RELCH: variants seen among roughly 807,000 people sequenced by gnomAD.
RELCH encodes RAB11 binding and LisH domain, coiled-coil and HEAT repeat containing, also known as RAB11-binding protein RELCH.
RELCH carries 41 observed loss-of-function variants against 150.3 expected under a neutral mutation model. The observed-to-expected ratio is 0.27, with a 90% CI of 0.21 to 0.35. RELCH has a LOEUF of 0.35. Among genes scored for constraint, RELCH ranks in the 10% least tolerant of loss-of-function variants. The probability of loss-of-function intolerance (pLI) is 1.00; values close to 1 mark genes in which losing one functional copy is unlikely to be tolerated. For missense variants in RELCH, 1,092 were observed against 1,467.8 expected (o/e 0.74, Z 4.18); for synonymous variants, 478 against 531.8 (o/e 0.90, Z 1.39).
intron 18 of RELCH, among the ~76,000 whole-genome samples, chr18:62,265,408 T>A (rs914418570): frequency 6.6e-6 from 1 of 152,052 alleles, no homozygotes; most frequent in Non-Finnish European, 1.5e-5. Context: ...AATATTAACA[T>A]TGGAATGTCA....
intron 5 of RELCH, among the ~76,000 whole-genome samples, chr18:62,226,711 TAAAA>T (rs891965345): frequency 1.3e-5 from 2 of 152,036 alleles, no homozygotes; most frequent in Non-Finnish European, 2.9e-5. Flanking sequence ...AGAGATATAA[TAAAA>T]AAATTGTGTA....
At chr18:62,288,570 G>C (rs1008625714) in intron 26 of RELCH, among the ~76,000 whole-genome samples, 7 of 152,078 alleles carry the variant, frequency 4.6e-5, no homozygotes, top group East Asian at 1.9e-4. Flanking sequence ...TGGATGCATG[G>C]TTCAGAGCAG....
At chr18:62,216,814 A>G (rs1009578889) in intron 2 of RELCH, among the ~76,000 whole-genome samples, 5 of 151,382 alleles carry the variant, frequency 3.3e-5, no homozygotes, top group Admixed American at 2.0e-4. Context: ...CAGCATCCAT[A>G]TCCAGCTTTA....
intron 1 of RELCH, among the ~76,000 whole-genome samples, chr18:62,208,368 A>G (rs1008570612): frequency 1.3e-5 from 2 of 152,166 alleles, no homozygotes; most frequent in Admixed American, 6.5e-5. Flanking sequence ...AAAAAAAAAA[A>G]AAAAATTTAA....
chr18:62,304,783 G>T (rs991735194), intron 28 of RELCH, among the ~76,000 whole-genome samples: 2 of 152,204 alleles, frequency 1.3e-5, no homozygotes, highest in East Asian at 3.8e-4. Context: ...TACAGAGCAG[G>T]TTGGTGAAAA....
At chr18:62,279,969 G>T in intron 23 of RELCH, 113 bp downstream of exon 23, 2 of 672,138 alleles carry the variant, frequency 3.0e-6, no homozygotes, top group Non-Finnish European at 5.1e-6. Context: ...AATAATACTG[G>T]ATTATGCTTA....
intron 1 of RELCH, among the ~76,000 whole-genome samples, chr18:62,202,139 C>T (rs541772576): frequency 5.9e-5 from 9 of 152,260 alleles, no homozygotes; most frequent in African/African-American, 1.9e-4. Context: ...TAAGAAGTTA[C>T]ACAATAGGCA....
chr18:62,244,971 T>C, intron 11 of RELCH, 95 bp downstream of exon 11: 1 of 784,098 alleles, frequency 1.3e-6, no homozygotes, highest in Non-Finnish European at 2.2e-6. Context: ...CTAAAATGCC[T>C]TCTTTCCTTC....
chr18:62,287,527 G>T, intron 26 of RELCH, 60 bp downstream of exon 26: 1 of 876,474 alleles, frequency 1.1e-6, no homozygotes, highest in African/African-American at 1.7e-5. Context: ...AGTGGAACTT[G>T]GTTGGTAAAG....
intron 28 of RELCH, among the ~76,000 whole-genome samples, chr18:62,303,941 C>T (rs985545344): frequency 3.3e-5 from 5 of 151,982 alleles, no homozygotes; most frequent in African/African-American, 9.7e-5. Context: ...GAAGTATTAG[C>T]CATGGAAGTA....
intron 1 of RELCH, among the ~76,000 whole-genome samples, chr18:62,197,934 T>C (rs569581275): frequency 6.6e-6 from 1 of 152,230 alleles, no homozygotes; most frequent in African/African-American, 2.4e-5. Context: ...ACTGGACTTA[T>C]ACCAATGTCT....
intron 27 of RELCH, among the ~76,000 whole-genome samples, chr18:62,297,635 T>G (rs2045474921): frequency 6.6e-6 from 1 of 152,176 alleles, no homozygotes; most frequent in Non-Finnish European, 1.5e-5. Context: ...AAAAGTTTCA[T>G]TCTCTCAGAA....
intron 21 of RELCH, among the ~76,000 whole-genome samples, chr18:62,275,116 C>T (rs1402264155): frequency 6.6e-6 from 1 of 152,116 alleles, no homozygotes; most frequent in Non-Finnish European, 1.5e-5. Context: ...AGGGTTTCAC[C>T]ATGTTGGCCA....
At chr18:62,262,482 T>C (rs374605619) in intron 16 of RELCH, among the ~76,000 whole-genome samples, 1 of 152,218 alleles carries the variant, frequency 6.6e-6, no homozygotes, top group African/African-American at 2.4e-5. Flanking sequence ...CTACCTATAA[T>C]ATTTGGAGTA....
Position 62,187,257 on chromosome 18 carries a change from T to G in RELCH, c.-249T>G. 6.3e-6 allele frequency: 2 copies of G among 319,556 alleles called. No homozygotes were observed. Among genetic ancestry groups the G allele is most frequent in the Non-Finnish European group, 1.1e-5 (2 of 174,162 alleles). The allele number at this position is 319,556 out of a possible 1,614,324, so 19.8% of individuals were successfully genotyped here. On this transcript the variant is annotated 5_prime_UTR_variant, in exon 1 of 29. Transcript: ENST00000644646. ...GGAGAGGGGCAGGGGCACGCTCCAG[T>G]TCTCGCGAGACTGGAGACCAGGAAG...
At chr18:62,278,757 G>A (rs997046090) in intron 22 of RELCH, among the ~76,000 whole-genome samples, 4 of 152,072 alleles carry the variant, frequency 2.6e-5, no homozygotes, top group African/African-American at 9.7e-5. Context: ...ATACGGCTCA[G>A]TATTGTTCTC....
At chr18:62,280,735 G>C in intron 24 of RELCH, 26 bp downstream of exon 24, 1 of 1,450,278 alleles carries the variant, frequency 6.9e-7, no homozygotes, top group Non-Finnish European at 9.7e-7. Context: ...ATTTATTTAT[G>C]TCTGTGTAAT....
At chr18:62,294,282 T>C (rs2045297837) in intron 27 of RELCH, among the ~76,000 whole-genome samples, 1 of 152,220 alleles carries the variant, frequency 6.6e-6, no homozygotes, top group South Asian at 2.1e-4. Context: ...TAATGCTAAA[T>C]TGTTTTCCAA....
At chr18:62,221,175 A>C (rs377605316) in intron 3 of RELCH, 44 bp from the exon 4 acceptor site, 4 of 1,597,228 alleles carry the variant, frequency 2.5e-6, no homozygotes, top group Non-Finnish European at 2.6e-6. Flanking sequence ...GAGATATTTT[A>C]AAATGTAAAA....
Sources: allele counts gnomAD v4.1 joint callset (sites outside exome capture counted in the v4.1 genomes callset), GRCh38; gene constraint gnomAD v4.1.1; transcripts MANE v1.5; gene names NCBI Gene and HGNC (gene_info 2026-07-23, HGNC 2026-07-21).